Variants in KCNQ1 observed in about 807,000 individuals in gnomAD.
KCNQ1 encodes potassium voltage-gated channel subfamily KQT member 1.
In KCNQ1, 49 loss-of-function variants were observed where a neutral mutation model predicts 72.4. The ratio of observed to expected loss-of-function variants is 0.68; its 90% CI spans 0.54 to 0.86. The LOEUF (loss-of-function observed/expected upper bound fraction) is 0.86, where lower values mean the gene tolerates loss of function less well. Ranked by LOEUF, KCNQ1 falls within the 40% of genes least tolerant of loss-of-function variation. KCNQ1 has a pLI of 0.00. For missense variants in KCNQ1, 790 were observed against 945.1 expected, an observed-to-expected ratio of 0.84 and a Z score of 2.15; for synonymous variants, 450 against 412.6, an observed-to-expected ratio of 1.09 and a Z score of -1.10.
rs901390012 is a variant in KCNQ1 at position 2,772,584 on chromosome 11, C to T, written c.1591-3376C>T. 3.3e-5 allele frequency among the ~76,000 whole-genome samples: 5 copies of T among 152,166 alleles called. No homozygotes were observed. Among genetic ancestry groups the T allele is most frequent in the African/African-American group, 9.7e-5 (4 of 41,440 alleles). ...GGGATGCCACCGGGCCGTGGGTCCT[C>T]ATGGTCTGCGGGCATTGCTGAGCCT... On this transcript the variant is annotated intron_variant, in intron 12 of 15. Transcript: ENST00000155840. The surrounding 1 kb of genome is among the most constrained non-coding windows in gnomAD (Gnocchi z 6.6).
intron 10 of KCNQ1, among the ~76,000 whole-genome samples, chr11:2,594,983 T>C (rs1223827076): frequency 6.6e-6 from 1 of 152,156 alleles, no homozygotes; most frequent in African/African-American, 2.4e-5. Flanking sequence ...TTCCTATGTA[T>C]CCTGTATAAG....
At chr11:2,833,195 C>A (rs895485374) in intron 15 of KCNQ1, among the ~76,000 whole-genome samples, 1 of 152,166 alleles carries the variant, frequency 6.6e-6, no homozygotes, top group African/African-American at 2.4e-5. Context: ...CCTGTGGAAG[C>A]CCCTGCACGC....
At chr11:2,847,166 G>A (rs894561834) in intron 15 of KCNQ1, among the ~76,000 whole-genome samples, 3 of 150,514 alleles carry the variant, frequency 2.0e-5, no homozygotes, top group African/African-American at 7.4e-5. Flanking sequence ...AGCCCCTCCT[G>A]GAAGTGGCCC....
intron 1 of KCNQ1, among the ~76,000 whole-genome samples, chr11:2,510,442 A>G (rs1010813901): frequency 2.6e-5 from 4 of 151,984 alleles, no homozygotes; most frequent in Non-Finnish European, 5.9e-5. Flanking sequence ...CCCCGTCTCT[A>G]CTAAAAATAC....
chr11:2,778,112 T>G, intron 15 of KCNQ1, 75 bp downstream of exon 15: 2 of 1,427,930 alleles, frequency 1.4e-6, no homozygotes, highest in Non-Finnish European at 2.0e-6. Flanking sequence ...GTGGTCTGCG[T>G]GTGAACGTGA....
intron 15 of KCNQ1, among the ~76,000 whole-genome samples, 174 bp from the exon 16 acceptor site, chr11:2,847,593 G>T (rs1028760503): frequency 1.3e-5 from 2 of 152,200 alleles, no homozygotes; most frequent in East Asian, 3.8e-4. Flanking sequence ...ACACAGGCGC[G>T]ACCGAGGGCC....
rs960641701 is a variant in KCNQ1, at chr11:2,510,000, T to C, written c.387-17928T>C. On this transcript the variant is annotated intron_variant, in intron 1 of 15. Transcript: ENST00000155840. The surrounding 1 kb of genome is among the most constrained non-coding windows in gnomAD (Gnocchi z 6.3). ...AAAGGCTAATTGGGATCGGTCGTGG[T>C]GCCTCAGGCCTGTCAATCCAGTACA... Among the ~76,000 whole-genome samples, 1 of 152,152 alleles carries C rather than the reference T, an allele frequency of 6.6e-6. No homozygotes were observed. The highest frequency in any genetic ancestry group is 1.5e-5 in the Non-Finnish European group (1 of 68,038).
rs1269874250 is a variant in KCNQ1, at chr11:2,678,665, CAGGGG to C, written c.1514+16586_1514+16590del. The C allele has an allele frequency of 2.5e-6, 1 of 398,446 alleles. No homozygotes were observed. Among genetic ancestry groups the C allele is most frequent in the Non-Finnish European group, 4.4e-6 (1 of 226,082 alleles). The allele number at this position is 398,446 out of a possible 1,614,324, so 24.7% of individuals were successfully genotyped here. A position where few individuals can be genotyped will look rare whatever the true frequency, so the allele number is the denominator to read the frequency against. On this transcript the variant is annotated intron_variant, in intron 11 of 15. Transcript: ENST00000155840. This position sits in a 1 kb window ranked among gnomAD's most constrained non-coding sequence, Gnocchi z 4.9. ...GCTCATTTTCACAAATGCAGTCAAC[CAGGGG>C]AATTCATGGCATGGCCTAAGATCTA...
In KCNQ1 at chr11:2,600,613, A is replaced by G. The variant is rs188430303; in HGVS notation, c.1393+11759A>G. 5.1e-3 allele frequency among the ~76,000 whole-genome samples: 772 copies of G among 152,354 alleles called. 25 individuals are homozygous for G. The highest frequency in any genetic ancestry group is 0.046 in the Admixed American group (697 of 15,304). ...AGTAATACAGTTATTGACTTCTGCA[A>G]TTAAACATCAATATAATACTTGGAC... On this transcript the variant is annotated intron_variant, in intron 10 of 15. Transcript: ENST00000155840. The surrounding 1 kb of genome is among the most constrained non-coding windows in gnomAD (Gnocchi z 5.6).
intron 2 of KCNQ1, among the ~76,000 whole-genome samples, chr11:2,568,102 C>T (rs1848272315): frequency 6.6e-6 from 1 of 151,982 alleles, no homozygotes; most frequent in Non-Finnish European, 1.5e-5. Context: ...AACCCCATCT[C>T]TACTAAAAAA....
At chr11:2,560,090 G>A (rs1848136542) in intron 2 of KCNQ1, among the ~76,000 whole-genome samples, 1 of 138,130 alleles carries the variant, frequency 7.2e-6, no homozygotes, top group African/African-American at 2.7e-5. Flanking sequence ...AGCCATGGGG[G>A]GCCGTGACAT....
At chr11:2,700,656 G>A (rs1435215357) in intron 11 of KCNQ1, among the ~76,000 whole-genome samples, 1 of 152,078 alleles carries the variant, frequency 6.6e-6, no homozygotes, top group Non-Finnish European at 1.5e-5. Context: ...TGAGGACTTG[G>A]GACCTCAGGG....
At chr11:2,810,517 T>A (rs1443265152) in intron 15 of KCNQ1, among the ~76,000 whole-genome samples, 1 of 152,256 alleles carries the variant, frequency 6.6e-6, no homozygotes, top group Non-Finnish European at 1.5e-5. Context: ...AGCAGTCCTG[T>A]TTTTAATATC....
At chr11:2,646,125 T>C (rs963996978) in intron 10 of KCNQ1, 7 of 398,522 alleles carry the variant, frequency 1.8e-5, no homozygotes, top group East Asian at 1.1e-4. Flanking sequence ...GTTTTTCTTA[T>C]TACTTCTCAG....
chr11:2,628,701 A>C, intron 10 of KCNQ1: 1 of 398,406 alleles, frequency 2.5e-6, no homozygotes, highest in Non-Finnish European at 4.4e-6. Context: ...CATCTAAAAA[A>C]TTGTCACAAA....
At chr11:2,741,864 A>C (rs1052863550) in intron 11 of KCNQ1, among the ~76,000 whole-genome samples, 16 of 152,154 alleles carry the variant, frequency 1.1e-4, no homozygotes, top group Non-Finnish European at 2.1e-4. Flanking sequence ...TCTCCTGGCC[A>C]AGGCCCCACT....
At position 2,455,367 on chromosome 11, in the gene KCNQ1, G is replaced by C. The variant is rs184842727; in HGVS notation, c.386+9883G>C. On this transcript the variant is annotated intron_variant, in intron 1 of 15. Coordinates refer to ENST00000155840, the MANE Select transcript of KCNQ1 (RefSeq NM_000218.3). ...CCCGCCTTGGCCTCCCAAAGTGCTG[G>C]GATTCAGGCTTGAGCCACCGTGCCT... Among the ~76,000 whole-genome samples the C allele has an allele frequency of 2.4e-4, 37 of 152,248 alleles. 1 individual carries two copies. Among genetic ancestry groups the C allele is most frequent in the Admixed American group, 2.4e-3 (36 of 15,294 alleles).
intron 10 of KCNQ1, chr11:2,656,700 T>C (rs572101391): frequency 6.8e-5 from 27 of 398,654 alleles, no homozygotes; most frequent in African/African-American, 1.0e-4. Context: ...TTAAGGTGTA[T>C]TTTGATGATT....
At position 2,682,024 on chromosome 11, in the gene KCNQ1, A is replaced by C; in HGVS notation, c.1514+19943A>C. ...TCCTCACAGCAGCTTTTAACACAAG[A>C]ATATTATCACTCCTGTTTTATAGAT... On this transcript the variant is annotated intron_variant, in intron 11 of 15. Coordinates refer to ENST00000155840, the MANE Select transcript of KCNQ1 (RefSeq NM_000218.3). The surrounding 1 kb of genome is among the most constrained non-coding windows in gnomAD (Gnocchi z 5.8). 5.0e-6 allele frequency: 2 copies of C among 398,604 alleles called. No individual in the cohort carries two copies. Among genetic ancestry groups the C allele is most frequent in the Non-Finnish European group, 8.8e-6 (2 of 226,060 alleles). The allele number at this position is 398,604 out of a possible 1,614,324, so 24.7% of individuals were successfully genotyped here.
Sources: gnomAD v4.1 joint callset for allele counts (sites outside exome capture counted in the v4.1 genomes callset) on GRCh38, gnomAD v4.1.1 for gene constraint, Gnocchi (gnomAD v3.1) non-coding constraint, MANE v1.5 for transcripts, NCBI Gene and HGNC (gene_info 2026-07-23, HGNC 2026-07-21) for gene names.